The following ANXA4 variants were observed in gnomAD, a reference collection of about 807,000 sequenced individuals.
ANXA4 encodes annexin A4, also known as 35-beta calcimedin.
Under a neutral mutation model 49.8 loss-of-function variants are expected in ANXA4, and 39 were observed. That is an observed-to-expected ratio of 0.78 (90% CI 0.61 to 1.02). The LOEUF is 1.02. Among genes scored for constraint, ANXA4 ranks in the 50% least tolerant of loss-of-function variants. The probability of loss-of-function intolerance (pLI) is 0.00; values close to 1 mark genes in which losing one functional copy is unlikely to be tolerated. For missense variants in ANXA4, 360 were observed against 410.1 expected, an observed-to-expected ratio of 0.88 and a Z score of 1.05; for synonymous variants, 134 against 152.5, an observed-to-expected ratio of 0.88 and a Z score of 0.89.
chr2:69,732,775 A>T (rs1670140347), intron 3 of ANXA4, among the ~76,000 whole-genome samples: 1 of 152,176 alleles, frequency 6.6e-6, no homozygotes, highest in African/African-American at 2.4e-5. Flanking sequence ...AGAAAAAAAA[A>T]AGATTACTAC....
At chr2:69,756,791 T>C (rs941032311) in intron 1 of ANXA4, among the ~76,000 whole-genome samples, 2 of 151,902 alleles carry the variant, frequency 1.3e-5, no homozygotes, top group Non-Finnish European at 2.9e-5. Context: ...ATTTATAATA[T>C]ATGCATAATG....
At chr2:69,774,349 T>A (rs1196092644) in intron 1 of ANXA4, among the ~76,000 whole-genome samples, 3 of 132,726 alleles carry the variant, frequency 2.3e-5, no homozygotes, top group Non-Finnish European at 4.9e-5. Context: ...CCTTTTTTTT[T>A]TTTTTTGAGA....
At chr2:69,806,937 C>G (rs555022765) in intron 5 of ANXA4, among the ~76,000 whole-genome samples, 1 of 152,096 alleles carries the variant, frequency 6.6e-6, no homozygotes, top group African/African-American at 2.4e-5. Context: ...ACAACAAACC[C>G]CCATGACACA....
chr2:69,655,175 A>C (rs1676389688), intron 2 of ANXA4, among the ~76,000 whole-genome samples: 1 of 152,226 alleles, frequency 6.6e-6, no homozygotes, highest in Non-Finnish European at 1.5e-5. Flanking sequence ...AAATTGACAA[A>C]TGGGATCTAA....
chr2:69,816,870 A>G (rs1275842445), intron 9 of ANXA4: 2 of 152,224 alleles, frequency 1.3e-5, no homozygotes, highest in Non-Finnish European at 2.9e-5. Flanking sequence ...CCCACCCACC[A>G]TACCCTTTTA....
At chr2:69,707,834 AT>A (rs1559097236) in intron 2 of ANXA4, among the ~76,000 whole-genome samples, 1 of 152,114 alleles carries the variant, frequency 6.6e-6, no homozygotes, top group Non-Finnish European at 1.5e-5. Context: ...TATTCGTTCT[AT>A]TTTTTTGTAC....
At chr2:69,657,985 CT>C (rs1394431168) in intron 2 of ANXA4, among the ~76,000 whole-genome samples, 1 of 152,076 alleles carries the variant, frequency 6.6e-6, no homozygotes, top group Non-Finnish European at 1.5e-5. Flanking sequence ...AATACTATTA[CT>C]TTTTTCTTTG....
upstream of ANXA4, among the ~76,000 whole-genome samples, chr2:69,739,410 T>C (rs1037654092): frequency 6.6e-6 from 1 of 151,814 alleles, no homozygotes; most frequent in African/African-American, 2.4e-5. Context: ...AAAAAGTGGT[T>C]TTTTTAGGGG....
chr2:69,751,010 C>G (rs1344162279), intron 1 of ANXA4, among the ~76,000 whole-genome samples: 2 of 152,162 alleles, frequency 1.3e-5, no homozygotes, highest in Non-Finnish European at 2.9e-5. Flanking sequence ...CTTCTATGAT[C>G]CTGACCCTGT....
chr2:69,728,223 T>G (rs761513992), intron 3 of ANXA4, among the ~76,000 whole-genome samples: 51 of 152,342 alleles, frequency 3.3e-4, no homozygotes, highest in Middle Eastern at 6.8e-3. Context: ...ATCCTGTTCT[T>G]CTCATGCTTT....
intron 2 of ANXA4, among the ~76,000 whole-genome samples, chr2:69,661,263 C>G (rs2105324019): frequency 6.7e-6 from 1 of 150,022 alleles, no homozygotes; most frequent in Non-Finnish European, 1.5e-5. Context: ...ACTCATAGAC[C>G]TTTCCTAAAG....
chr2:69,761,892 A>G (rs1162715972), intron 1 of ANXA4, among the ~76,000 whole-genome samples: 1 of 152,230 alleles, frequency 6.6e-6, no homozygotes, highest in Non-Finnish European at 1.5e-5. Context: ...CTTCAAATAA[A>G]TACATTAAAA....
intron 6 of ANXA4, chr2:69,809,329 G>A (rs1673596071): frequency 6.6e-6 from 1 of 152,180 alleles, no homozygotes; most frequent in Non-Finnish European, 1.5e-5. Flanking sequence ...CTAAACCTTA[G>A]GAGTCTGGAT....
At chr2:69,810,716 TC>T (rs752315763) in intron 7 of ANXA4, 43 bp downstream of exon 7, 1 of 1,487,298 alleles carries the variant, frequency 6.7e-7, no homozygotes, top group South Asian at 1.1e-5. Flanking sequence ...TATCGAAATG[TC>T]CACTCTATCC....
At chr2:69,731,481 C>A (rs1670092890) in intron 3 of ANXA4, among the ~76,000 whole-genome samples, 1 of 152,186 alleles carries the variant, frequency 6.6e-6, no homozygotes. Context: ...AACTTAACTG[C>A]AGTCACTTCA....
chr2:69,757,296 A>G lies in ANXA4; in HGVS notation c.-47+15121A>G, dbSNP rs1243063558. ...TTTTTTTTTTTTTTTTTTTAGGTGG[A>G]GTCTCGCTGTGTTGCCCAGGCTGGA... On this transcript the variant is annotated intron_variant, in intron 1 of 12. Transcript: ENST00000394295. Among the ~76,000 whole-genome samples, 199 of 95,142 alleles carry G rather than the reference A, an allele frequency of 2.1e-3. 5 individuals carry two copies. The highest frequency in any genetic ancestry group is 1.1e-3 in the Non-Finnish European group (55 of 49,444). The allele number at this position is 95,142 out of a possible 152,430, so 62.4% of individuals were successfully genotyped here. A position where few individuals can be genotyped will look rare whatever the true frequency, so the allele number is the denominator to read the frequency against.
intron 2 of ANXA4, among the ~76,000 whole-genome samples, chr2:69,686,626 T>C (rs1327783270): frequency 1.3e-5 from 2 of 152,164 alleles, no homozygotes; most frequent in African/African-American, 4.8e-5. Context: ...CTAATACTTT[T>C]TTAAATTTTT....
intron 4 of ANXA4, among the ~76,000 whole-genome samples, chr2:69,805,828 C>T (rs1673422865): frequency 6.6e-6 from 1 of 151,938 alleles, no homozygotes; most frequent in African/African-American, 2.4e-5. Flanking sequence ...TTGATATTTG[C>T]CCTATTAGAA....
intron 3 of ANXA4, chr2:69,803,432 T>C (rs1673305717): frequency 6.6e-6 from 1 of 152,324 alleles, no homozygotes; most frequent in Admixed American, 6.5e-5. Context: ...CAAACATTTA[T>C]GAACAGCCAG....
Sources: gnomAD v4.1 joint callset for allele counts (sites outside exome capture counted in the v4.1 genomes callset) on GRCh38, gnomAD v4.1.1 for gene constraint, MANE v1.5 for transcripts, NCBI Gene and HGNC (gene_info 2026-07-23, HGNC 2026-07-21) for gene names.